The following PRELID2 variants were observed in gnomAD, a reference collection of about 807,000 sequenced individuals.
PRELID2 encodes the protein PRELI domain containing 2.
In PRELID2, 25 loss-of-function variants were observed where a neutral mutation model predicts 28.4. The observed-to-expected ratio is 0.88, with a 90% CI of 0.64 to 1.23. PRELID2 has a LOEUF of 1.23. PRELID2 is among the 50% of genes most tolerant of loss of function. PRELID2 has a pLI of 0.00. For missense variants in PRELID2, 201 were observed against 214.4 expected (o/e 0.94, Z 0.39); for synonymous variants, 76 against 71.6 (o/e 1.06, Z -0.31).
At chr5:145,341,846 A>C in the PRELID2 span, among the ~76,000 whole-genome samples, 18 of 152,332 alleles carry the variant, frequency 1.2e-4, no homozygotes, top group South Asian at 3.3e-3. Context: ...TTAACAAATA[A>C]TTTGATATAA....
At chr5:145,610,178 G>T (rs958833690) in intron 1 of PRELID2, among the ~76,000 whole-genome samples, 17 of 152,136 alleles carry the variant, frequency 1.1e-4, no homozygotes, top group Non-Finnish European at 2.4e-4. Context: ...CCCCTGGGGG[G>T]CTCTCACTCA....
the PRELID2 span, among the ~76,000 whole-genome samples, chr5:145,231,781 G>A: frequency 6.6e-6 from 1 of 152,092 alleles, no homozygotes; most frequent in Non-Finnish European, 1.5e-5. Flanking sequence ...CTATTCCCTG[G>A]ATGGAAAACT....
At chr5:145,419,658 A>C in the PRELID2 span, among the ~76,000 whole-genome samples, 1 of 151,822 alleles carries the variant, frequency 6.6e-6, no homozygotes, top group African/African-American at 2.4e-5. Context: ...AGGTTGCGAA[A>C]ATTTTCTCCC....
At chr5:145,788,685 T>C (rs1045800565) in intron 5 of PRELID2, among the ~76,000 whole-genome samples, 3 of 151,924 alleles carry the variant, frequency 2.0e-5, no homozygotes, top group Admixed American at 6.6e-5. Context: ...GAGAAAGAAA[T>C]AAAAGGCACC....
chr5:145,332,309 G>A, the PRELID2 span, among the ~76,000 whole-genome samples: 2 of 152,094 alleles, frequency 1.3e-5, no homozygotes, highest in African/African-American at 4.8e-5. Context: ...TTGAATGTTG[G>A]TCTGTCTGGC....
chr5:145,755,286 G>A (rs943580528), downstream of PRELID2, among the ~76,000 whole-genome samples: 10 of 152,288 alleles, frequency 6.6e-5, no homozygotes, highest in East Asian at 9.7e-4. Flanking sequence ...TGCTTATTAT[G>A]AGGGTATTTT....
chr5:145,301,391 A>G, the PRELID2 span, among the ~76,000 whole-genome samples: 1 of 152,150 alleles, frequency 6.6e-6, no homozygotes, highest in Non-Finnish European at 1.5e-5. Context: ...GCAGATTTAT[A>G]ATAATCCTTC....
intron 1 of PRELID2, among the ~76,000 whole-genome samples, chr5:145,607,189 A>G (rs79742420): frequency 6.6e-6 from 1 of 152,076 alleles, no homozygotes; most frequent in Non-Finnish European, 1.5e-5. Context: ...CTTTCAAAGA[A>G]CAAAATCCTG....
the PRELID2 span, among the ~76,000 whole-genome samples, chr5:145,259,343 A>G: frequency 6.6e-6 from 1 of 152,128 alleles, no homozygotes; most frequent in African/African-American, 2.4e-5. Flanking sequence ...ATTCACTGAC[A>G]GTTTGCATTC....
At chr5:145,300,527 C>T in the PRELID2 span, among the ~76,000 whole-genome samples, 1 of 151,678 alleles carries the variant, frequency 6.6e-6, no homozygotes, top group Non-Finnish European at 1.5e-5. Context: ...TCTGAATCTC[C>T]TTTCTTTAAA....
intron 1 of PRELID2, among the ~76,000 whole-genome samples, chr5:145,607,317 A>G (rs1753519674): frequency 6.6e-6 from 1 of 152,016 alleles, no homozygotes; most frequent in African/African-American, 2.4e-5. Flanking sequence ...TTGTTTCTCT[A>G]GTTCCCCTAG....
intron 5 of PRELID2, chr5:145,795,614 T>C (rs1173742270): frequency 1.3e-5 from 2 of 152,078 alleles, no homozygotes; most frequent in Non-Finnish European, 2.9e-5. Context: ...CAAAATGAGG[T>C]AAACTTATAC....
At chr5:145,661,079 G>A (rs1482060965) in intron 1 of PRELID2, among the ~76,000 whole-genome samples, 2 of 152,138 alleles carry the variant, frequency 1.3e-5, no homozygotes, top group African/African-American at 4.8e-5. Context: ...TAAAATAGCA[G>A]GTGCTAGCCT....
At chr5:145,657,610 G>A (rs1360480130) in intron 1 of PRELID2, among the ~76,000 whole-genome samples, 8 of 152,046 alleles carry the variant, frequency 5.3e-5, no homozygotes, top group African/African-American at 1.7e-4. Context: ...GCTTGAACCC[G>A]GGAGACAGAG....
intron 6 of PRELID2, 82 bp downstream of exon 6, chr5:145,764,849 G>A: frequency 1.0e-6 from 1 of 955,418 alleles, no homozygotes; most frequent in Non-Finnish European, 1.7e-6. Flanking sequence ...AATAGCCCAG[G>A]GAGGCTGCTG....
chr5:145,316,564 T>C, the PRELID2 span, among the ~76,000 whole-genome samples: 1 of 152,120 alleles, frequency 6.6e-6, no homozygotes, highest in East Asian at 1.9e-4. Context: ...TTAAAGAAGG[T>C]TACCACACAG....
the PRELID2 span, among the ~76,000 whole-genome samples, chr5:145,452,651 G>A: frequency 6.6e-6 from 1 of 152,156 alleles, no homozygotes; most frequent in East Asian, 1.9e-4. Context: ...GTTAGGGTCT[G>A]TGTGTATCTT....
At chr5:145,631,250 C>T (rs1269667836) in intron 1 of PRELID2, among the ~76,000 whole-genome samples, 1 of 152,210 alleles carries the variant, frequency 6.6e-6, no homozygotes, top group Non-Finnish European at 1.5e-5. Context: ...TTCTAGGAAA[C>T]TAAGCACCTG....
intron 5 of PRELID2, among the ~76,000 whole-genome samples, chr5:145,787,796 G>A (rs529388265): frequency 1.4e-4 from 21 of 152,106 alleles, no homozygotes; most frequent in African/African-American, 4.8e-4. Context: ...CCACTTCAGC[G>A]TCCCAAAGTG....
Sources: gnomAD v4.1 joint callset for allele counts (sites outside exome capture counted in the v4.1 genomes callset) on GRCh38, gnomAD v4.1.1 for gene constraint, MANE v1.5 for transcripts, NCBI Gene and HGNC (gene_info 2026-07-23, HGNC 2026-07-21) for gene names.